The following PPARGC1A variants were observed in gnomAD, a reference collection of about 807,000 sequenced individuals.
The protein encoded by PPARGC1A is peroxisome proliferator-activated receptor gamma coactivator 1-alpha.
A neutral mutation model predicts 88.7 loss-of-function variants in PPARGC1A; 25 were observed. The ratio of observed to expected loss-of-function variants is 0.28; its 90% CI spans 0.21 to 0.39. PPARGC1A has a LOEUF of 0.39. PPARGC1A is among the 10% of genes least tolerant of loss of function. PPARGC1A has a pLI of 1.00. For missense variants in PPARGC1A, 880 were observed against 968.7 expected (o/e 0.91, Z 1.22); for synonymous variants, 363 against 355.6 (o/e 1.02, Z -0.24).
chr4:23,950,219 A>G, the PPARGC1A span, among the ~76,000 whole-genome samples: 10 of 152,130 alleles, frequency 6.6e-5, no homozygotes, highest in Admixed American at 4.6e-4. Flanking sequence ...TGAGAATCTT[A>G]TTATCGTTGA....
At chr4:24,189,596 T>C in the PPARGC1A span, among the ~76,000 whole-genome samples, 65 of 152,220 alleles carry the variant, frequency 4.3e-4, no homozygotes, top group South Asian at 1.2e-3. Context: ...AAATGAGAAC[T>C]CCCCATTTTT....
chr4:23,891,204 A>T (rs1717804660), upstream of PPARGC1A, among the ~76,000 whole-genome samples: 1 of 152,184 alleles, frequency 6.6e-6, no homozygotes, highest in Non-Finnish European at 1.5e-5. Flanking sequence ...ACAGTGGAAA[A>T]ACACTTCCTG....
the PPARGC1A span, among the ~76,000 whole-genome samples, chr4:24,424,413 C>T: frequency 1.3e-5 from 2 of 151,548 alleles, no homozygotes; most frequent in African/African-American, 4.8e-5. Context: ...GTAGCTGGGA[C>T]TACAGGCGCC....
At chr4:23,988,997 T>G in the PPARGC1A span, among the ~76,000 whole-genome samples, 1 of 148,504 alleles carries the variant, frequency 6.7e-6, no homozygotes, top group Non-Finnish European at 1.5e-5. Context: ...ACATACACTA[T>G]TATATATATA....
At chr4:24,251,250 C>T in the PPARGC1A span, among the ~76,000 whole-genome samples, 7 of 152,246 alleles carry the variant, frequency 4.6e-5, no homozygotes, top group East Asian at 5.8e-4. Flanking sequence ...TGTGATCTTG[C>T]GCAAGTTACT....
At chr4:23,979,192 A>G in the PPARGC1A span, among the ~76,000 whole-genome samples, 1 of 152,196 alleles carries the variant, frequency 6.6e-6, no homozygotes, top group Non-Finnish European at 1.5e-5. Flanking sequence ...AGAAGATAAC[A>G]CTGTCATATT....
At chr4:24,178,231 C>T in the PPARGC1A span, among the ~76,000 whole-genome samples, 2 of 152,124 alleles carry the variant, frequency 1.3e-5, no homozygotes, top group African/African-American at 2.4e-5. Flanking sequence ...AAAATTGAAT[C>T]GATGCCTTCC....
chr4:23,866,097 TAAGA>T (rs1266277994), intron 2 of PPARGC1A: 1 of 152,204 alleles, frequency 6.6e-6, no homozygotes, highest in Non-Finnish European at 1.5e-5. Flanking sequence ...TGTGAATATG[TAAGA>T]AAGAAAGATA....
At chr4:23,898,840 T>C (rs1270366515) in intron 1 of PPARGC1A, among the ~76,000 whole-genome samples, 9 of 150,964 alleles carry the variant, frequency 6.0e-5, no homozygotes. Context: ...GGGTATTTTT[T>C]TTTTTTTTTT....
chr4:23,847,568 C>T (rs1191777683), intron 2 of PPARGC1A, among the ~76,000 whole-genome samples: 2 of 152,144 alleles, frequency 1.3e-5, no homozygotes, highest in African/African-American at 4.8e-5. Flanking sequence ...TTAGAGTTAC[C>T]TCTGACCATA....
chr4:23,827,344 T>C (rs1724142462), intron 5 of PPARGC1A, among the ~76,000 whole-genome samples: 1 of 151,890 alleles, frequency 6.6e-6, no homozygotes, highest in Admixed American at 6.6e-5. Context: ...AATAACAGCA[T>C]ACCTACACGA....
At chr4:24,024,667 G>A in the PPARGC1A span, among the ~76,000 whole-genome samples, 1 of 152,180 alleles carries the variant, frequency 6.6e-6, no homozygotes, top group African/African-American at 2.4e-5. Context: ...AGCAGCAAGC[G>A]TCATAGTATC....
At chr4:24,199,553 C>T in the PPARGC1A span, among the ~76,000 whole-genome samples, 1 of 152,016 alleles carries the variant, frequency 6.6e-6, no homozygotes, top group Non-Finnish European at 1.5e-5. Context: ...GAAAGGCATT[C>T]CTAGTAAAAG....
the PPARGC1A span, among the ~76,000 whole-genome samples, chr4:23,955,786 T>C: frequency 1.1e-4 from 17 of 152,240 alleles, no homozygotes; most frequent in Admixed American, 2.0e-4. Context: ...ATTTTACAAG[T>C]AAGAAAAGTC....
rs748944944 is a variant in PPARGC1A, at chr4:23,831,754, G to A, written c.235-3C>T. The stretch of plus-strand genomic sequence containing the variant: ...GCCTCATTCTCTTCATCTATCTTCT[G>A]CAGAAAGAGAAAAAAACAGAAGATG... On this transcript the variant is annotated splice_region_variant and splice_polypyrimidine_tract_variant and intron_variant, in intron 2 of 12. Transcript: ENST00000264867. 14 of 1,605,240 alleles carry A rather than the reference G, an allele frequency of 8.7e-6. No individual in the cohort carries two copies. The East Asian group carries it at 2.9e-4, about 33-fold the overall frequency.
At chr4:24,072,422 C>T in the PPARGC1A span, among the ~76,000 whole-genome samples, 1 of 151,894 alleles carries the variant, frequency 6.6e-6, no homozygotes, top group South Asian at 2.1e-4. Flanking sequence ...TTACCTGACC[C>T]TAATTTCCCT....
chr4:24,366,532 CCAACAACAAG>C, the PPARGC1A span, among the ~76,000 whole-genome samples: 1 of 152,130 alleles, frequency 6.6e-6, no homozygotes, highest in Admixed American at 6.6e-5. Context: ...CACAACACAA[CCAACAACAAG>C]CATATTTTCC....
intron 10 of PPARGC1A, among the ~76,000 whole-genome samples, chr4:23,805,007 A>G (rs548596092): frequency 4.2e-4 from 64 of 152,216 alleles, no homozygotes; most frequent in Non-Finnish European, 7.6e-4. Flanking sequence ...GACAGTAGAG[A>G]CCATATCTGT....
intron 12 of PPARGC1A, among the ~76,000 whole-genome samples, chr4:23,800,439 G>A (rs1406655003): frequency 1.3e-5 from 2 of 151,744 alleles, no homozygotes; most frequent in Admixed American, 1.3e-4. Flanking sequence ...AAAATTAAAT[G>A]TTTGGCTATA....
Sources: gnomAD v4.1 joint callset for allele counts (sites outside exome capture counted in the v4.1 genomes callset) on GRCh38, gnomAD v4.1.1 for gene constraint, MANE v1.5 for transcripts, NCBI Gene and HGNC (gene_info 2026-07-23, HGNC 2026-07-21) for gene names.